Variants in MIGA2 observed in about 807,000 individuals in gnomAD.
The protein encoded by MIGA2 is mitoguardin 2, also known as family with sequence similarity 73, member B.
Under a neutral mutation model 69.9 loss-of-function variants are expected in MIGA2, and 36 were observed. That is an observed-to-expected ratio of 0.52 (90% confidence interval 0.39 to 0.68). MIGA2 has a LOEUF of 0.68. Ranked by LOEUF, MIGA2 falls within the 30% of genes least tolerant of loss-of-function variation. The pLI is 0.00. For missense variants in MIGA2, 660 were observed against 787.7 expected, an observed-to-expected ratio of 0.84 and a Z score of 1.94; for synonymous variants, 333 against 349.2, an observed-to-expected ratio of 0.95 and a Z score of 0.52.
chr9:129,048,647 C>G, intron 4 of MIGA2, 108 bp downstream of exon 4: 2 of 822,062 alleles, frequency 2.4e-6, no homozygotes, highest in East Asian at 2.6e-5. Flanking sequence ...CATTCATTCT[C>G]TCTCTCACTC....
At chr9:129,056,324 C>T (rs1031530611) in intron 6 of MIGA2, among the ~76,000 whole-genome samples, 15 of 152,064 alleles carry the variant, frequency 9.9e-5, no homozygotes, top group Non-Finnish European at 1.6e-4. Context: ...TAGTTCTACA[C>T]TGTGACCTCA....
chr9:129,066,417 G>A (rs555962734), intron 11 of MIGA2, among the ~76,000 whole-genome samples: 4 of 152,352 alleles, frequency 2.6e-5, no homozygotes, highest in African/African-American at 9.6e-5. Flanking sequence ...GCTCACGCCT[G>A]TAATCCCGGC....
intron 6 of MIGA2, among the ~76,000 whole-genome samples, chr9:129,054,374 C>T (rs990601842): frequency 4.6e-5 from 7 of 152,100 alleles, no homozygotes; most frequent in Non-Finnish European, 7.4e-5. Flanking sequence ...AGTAGGATCC[C>T]TTGAGCCCAG....
intron 6 of MIGA2, 112 bp downstream of exon 6, chr9:129,050,075 T>C: frequency 7.2e-7 from 1 of 1,384,916 alleles, no homozygotes; most frequent in Non-Finnish European, 9.8e-7. Context: ...GACTGCTGAT[T>C]TCCCTCTATG....
At chr9:129,055,461 A>T (rs1295827849) in intron 6 of MIGA2, among the ~76,000 whole-genome samples, 3 of 152,104 alleles carry the variant, frequency 2.0e-5, no homozygotes, top group Non-Finnish European at 4.4e-5. Flanking sequence ...CTTTTTCATA[A>T]TTTTTTCAGT....
At chr9:129,045,088 T>C (rs1845141559) in intron 3 of MIGA2, among the ~76,000 whole-genome samples, 1 of 150,310 alleles carries the variant, frequency 6.7e-6, no homozygotes, top group South Asian at 2.1e-4. Context: ...GAGGTGGAGC[T>C]TGCAGTGAGC....
rs1846517355 is a variant in MIGA2 at position 129,068,989 on chromosome 9, A to G, written c.1405-87A>G. On this transcript the variant is annotated intron_variant, in intron 13 of 15. Transcript: ENST00000684074. This position sits in a 1 kb window ranked among gnomAD's most constrained non-coding sequence, Gnocchi z 4.1. ...GCTTGGAGTGGGGTGAGCTGGGTTT[A>G]AGGGCTTGGTGCTGGGCTGGCAGAG... is the stretch of plus-strand genomic sequence containing the variant. 9 of 1,514,088 alleles carry G rather than the reference A, an allele frequency of 5.9e-6. No homozygotes were observed. The highest frequency in any genetic ancestry group is 8.3e-6 in the Non-Finnish European group (9 of 1,090,654). 93.8% of individuals were successfully genotyped at this position (1,514,088 alleles called of 1,614,324 possible).
chr9:129,059,388 C>G lies in MIGA2; in HGVS notation c.793+117C>G. 1 of 763,286 alleles carries G rather than the reference C, an allele frequency of 1.3e-6. No individual in the cohort carries two copies. Among genetic ancestry groups the G allele is most frequent in the Non-Finnish European group, 2.2e-6 (1 of 457,994 alleles). 47.3% of individuals were successfully genotyped at this position (763,286 alleles called of 1,614,324 possible). On this transcript the variant is annotated intron_variant, in intron 7 of 15. Transcript: ENST00000684074. The surrounding 1 kb of genome is among the most constrained non-coding windows in gnomAD (Gnocchi z 5.6). ...AGTGCGTCCAATGAATCAGAATCCCCAGGGCTCTCCGACCTCGCGTGATCC... is the reference window on the plus strand; with the variant it reads ...AGTGCGTCCAATGAATCAGAATCCCGAGGGCTCTCCGACCTCGCGTGATCC...
rs945863033 is a variant in MIGA2, at chr9:129,069,671, C to G, written c.1459-178C>G. ...AGTACTCACAGCGGCCCATGGTTAC[C>G]CTGTCTGCAGAAGTTAAAATGGGCT... On this transcript the variant is annotated intron_variant, in intron 14 of 15. Coordinates refer to ENST00000684074, the MANE Select transcript of MIGA2 (RefSeq NM_001329990.2). The surrounding 1 kb of genome is among the most constrained non-coding windows in gnomAD (Gnocchi z 4.9). 6.2e-6 allele frequency: 4 copies of G among 640,710 alleles called. No homozygotes were observed. The highest frequency in any genetic ancestry group is 1.1e-5 in the Non-Finnish European group (4 of 352,762). The allele number at this position is 640,710 out of a possible 1,614,324, so 39.7% of individuals were successfully genotyped here. A position where few individuals can be genotyped will look rare whatever the true frequency, so the allele number is the denominator to read the frequency against.
Position 129,060,560 on chromosome 9 carries a change from C to T in MIGA2, c.804C>T (p.Leu268=). 1 of 1,597,206 alleles carries T rather than the reference C, an allele frequency of 6.3e-7. No homozygotes were observed. Residue 268 remains leucine, a synonymous_variant, in exon 8 of 16, where the codon CTC becomes CTT. Transcript: ENST00000684074. The surrounding 1 kb of genome is among the most constrained non-coding windows in gnomAD (Gnocchi z 4.8). ...CACTGCTCTTCCCAGAGAGGACCCT[C>T]ATGCTGCCCCTGACCGAGGGCTCGC... is the stretch of plus-strand genomic sequence containing the variant. ...DSMLLDLERT[L]MLPLTEGSLR...
intron 6 of MIGA2, among the ~76,000 whole-genome samples, chr9:129,050,279 T>A (rs1845452521): frequency 6.6e-6 from 1 of 152,140 alleles, no homozygotes; most frequent in South Asian, 2.1e-4. Flanking sequence ...TTTTGTTTTG[T>A]TTTGTTTTGT....
At position 129,070,506 on chromosome 9, in the gene MIGA2, G is replaced by C; in HGVS notation, c.*53G>C. ...GAGAAGGCTCCTCCTCCCTTCCCTG[G>C]GTTGGTATCTGACAGCTGTGGTGGC... On this transcript the variant is annotated 3_prime_UTR_variant, in exon 16 of 16. Transcript: ENST00000684074. The C allele has an allele frequency of 2.7e-6, 4 of 1,459,568 alleles. No homozygotes were observed. In the Admixed American group the frequency reaches 9.7e-5, roughly 36 times the overall value. 90.4% of individuals were successfully genotyped at this position (1,459,568 alleles called of 1,614,324 possible).
At chr9:129,057,278 T>A (rs1845844257) in intron 6 of MIGA2, among the ~76,000 whole-genome samples, 1 of 151,918 alleles carries the variant, frequency 6.6e-6, no homozygotes, top group African/African-American at 2.4e-5. Context: ...TATGTGTATT[T>A]TATATATATA....
chr9:129,058,496 CTTTTT>C (rs892590575), intron 6 of MIGA2, among the ~76,000 whole-genome samples: 2 of 117,522 alleles, frequency 1.7e-5, no homozygotes, highest in African/African-American at 3.1e-5. Flanking sequence ...TTCTTTCTTT[CTTTTT>C]TTTTTTTTTT....
intron 3 of MIGA2, among the ~76,000 whole-genome samples, chr9:129,044,857 C>T (rs1477306517): frequency 6.6e-6 from 1 of 151,414 alleles, no homozygotes; most frequent in Non-Finnish European, 1.5e-5. Flanking sequence ...CCCCAAAGTG[C>T]TGGGGTTATG....
At chr9:129,048,691 A>G (rs2131355619) in intron 4 of MIGA2, 152 bp downstream of exon 4, 3 of 646,138 alleles carry the variant, frequency 4.6e-6, no homozygotes, top group Non-Finnish European at 5.4e-6. Flanking sequence ...GATTGTCCCT[A>G]ATCACTCACT....
At position 129,069,845 on chromosome 9, in the gene MIGA2, G is replaced by C. The variant is rs768276698; in HGVS notation, c.1459-4G>C. 1.9e-5 allele frequency: 30 copies of C among 1,610,434 alleles called. No individual in the cohort carries two copies. The highest frequency in any genetic ancestry group is 2.5e-5 in the Non-Finnish European group (29 of 1,177,164). ...CTGGCCCCTCAGCCTTGTGCCCACC[G>C]CAGGTGCCTGATGGCTTCATCTCCC... On this transcript the variant is annotated splice_region_variant and splice_polypyrimidine_tract_variant and intron_variant, in intron 14 of 15. Coordinates refer to ENST00000684074, the MANE Select transcript of MIGA2 (RefSeq NM_001329990.2). This position sits in a 1 kb window ranked among gnomAD's most constrained non-coding sequence, Gnocchi z 4.9.
rs187983511 is a variant in MIGA2 at position 129,063,009 on chromosome 9, C to T, written c.1011-235C>T. Among the ~76,000 whole-genome samples, 32 of 152,320 alleles carry T rather than the reference C, an allele frequency of 2.1e-4. No homozygotes were observed. In the East Asian group the frequency reaches 4.4e-3, roughly 21 times the overall value. On this transcript the variant is annotated intron_variant, in intron 9 of 15. Coordinates refer to ENST00000684074, the MANE Select transcript of MIGA2 (RefSeq NM_001329990.2). ...AGGAGGCCTCGGTCATCTCTGTACC[C>T]GGTGCCTGAGAGGCTGACACGTCCT...
In MIGA2 at chr9:129,070,745, T is replaced by G; in HGVS notation, c.*292T>G. ...GCCCCAGGTGGGGGACCCCAAAACC[T>G]CCCATCGCTCCAGGGCTGCTGACAA... On this transcript the variant is annotated 3_prime_UTR_variant, in exon 16 of 16. Transcript: ENST00000684074. 2.2e-6 allele frequency: 1 copy of G among 452,162 alleles called. No individual in the cohort carries two copies. The highest frequency in any genetic ancestry group is 4.0e-6 in the Non-Finnish European group (1 of 249,698). 28.0% of individuals were successfully genotyped at this position (452,162 alleles called of 1,614,324 possible).
Sources: allele counts gnomAD v4.1 joint callset (sites outside exome capture counted in the v4.1 genomes callset), GRCh38; gene constraint gnomAD v4.1.1; non-coding constraint Gnocchi (gnomAD v3.1); transcripts MANE v1.5; gene names NCBI Gene and HGNC (gene_info 2026-07-23, HGNC 2026-07-21).